PLEC: variants seen among roughly 807,000 people sequenced by gnomAD.
PLEC encodes the protein hemidesmosomal protein 1.
A neutral mutation model predicts 392.8 loss-of-function variants in PLEC; 216 were observed. The ratio of observed to expected loss-of-function variants is 0.55; its 90% CI spans 0.49 to 0.62. The LOEUF (loss-of-function observed/expected upper bound fraction) is 0.62. Among genes scored for constraint, PLEC ranks in the 20% least tolerant of loss-of-function variants. PLEC has a pLI of 0.00. For missense variants in PLEC, 6,863 were observed against 6,563.4 expected, an observed-to-expected ratio of 1.05 and a Z score of -1.58; for synonymous variants, 3,621 against 2,980.6, an observed-to-expected ratio of 1.21 and a Z score of -7.00.
In PLEC at chr8:143,923,280, T is replaced by G. The variant is rs1823570897; in HGVS notation, c.6649A>C (p.Thr2217Pro). Residue 2217 changes from threonine to proline, a missense_variant, in exon 31 of 32, where the codon ACG (threonine) becomes CCG (proline). Physicochemically the swap from Thr to Pro is conservative, Grantham distance 38. Transcript: ENST00000345136. ...EELQRLKAEA[T>P]EAARQRSQVE... is the part of the protein sequence containing the mutation. ...TGGCTGCGCTGGCGTGCGGCCTCCG[T>G]GGCCTCCGCCTTCAGCCGCTGCAGC... 2.5e-6 allele frequency: 4 copies of G among 1,607,072 alleles called. No individual in the cohort carries two copies. The South Asian group carries it at 4.4e-5, about 18-fold the overall frequency.
At chr8:143,964,348 T>G (rs1342403408) in intron 1 of PLEC, among the ~76,000 whole-genome samples, 1 of 152,098 alleles carries the variant, frequency 6.6e-6, no homozygotes, top group Non-Finnish European at 1.5e-5. Flanking sequence ...ACAAGGATCT[T>G]GAGATGAGAT....
At position 143,924,126 on chromosome 8, in the gene PLEC, C is replaced by T. The variant is rs782279963; in HGVS notation, c.5803G>A (p.Glu1935Lys). Residue 1935 changes from glutamate to lysine, a missense_variant, in exon 31 of 32, where the codon GAG becomes AAG. Coordinates refer to ENST00000345136, the MANE Select transcript of PLEC (RefSeq NM_201384.3). The stretch of plus-strand genomic sequence containing the variant: ...TCCGCCTTGCCAGCGGCCGCCTTCT[C>T]GAAGCTCGCCTTCAGCGCCAGGATC... ...EEILALKASF[E>K]KAAAGKAELE... 9 of 1,598,942 alleles carry T rather than the reference C, an allele frequency of 5.6e-6. No individual in the cohort carries two copies. Among genetic ancestry groups the T allele is most frequent in the East Asian group, 2.2e-5 (1 of 44,816 alleles).
At chr8:143,950,741 A>C in exon 1 of PLEC, 1 of 1,541,824 alleles carries the variant, frequency 6.5e-7, no homozygotes, top group South Asian at 1.2e-5. Flanking sequence ...GCGGGGGCAA[A>C]GGCAGCAGGC....
chr8:143,968,761 T>C (rs996822578), intron 1 of PLEC, among the ~76,000 whole-genome samples: 2 of 152,178 alleles, frequency 1.3e-5, no homozygotes, highest in African/African-American at 4.8e-5. Context: ...TTCAACGTCA[T>C]TAGCCATCAG....
At chr8:143,932,091 G>C (rs782631874) in intron 17 of PLEC, 39 bp downstream of exon 17, 4 of 1,572,010 alleles carry the variant, frequency 2.5e-6, no homozygotes, top group Non-Finnish European at 3.5e-6. Context: ...ACCCGGCACG[G>C]CCCCCCCCGC....
intron 5 of PLEC, among the ~76,000 whole-genome samples, chr8:143,936,437 G>A (rs1829076195): frequency 6.6e-6 from 1 of 152,228 alleles, no homozygotes; most frequent in Non-Finnish European, 1.5e-5. Context: ...CCTGGAAAAG[G>A]CTGGGGGTCG....
intron 1 of PLEC, among the ~76,000 whole-genome samples, 184 bp downstream of exon 1, chr8:143,939,166 C>G (rs977840112): frequency 6.6e-6 from 1 of 152,192 alleles, no homozygotes; most frequent in African/African-American, 2.4e-5. Context: ...CGCTCGGAGG[C>G]CCCCGTCAGC....
Position 143,924,655 on chromosome 8 carries a change from G to A in PLEC, c.5274C>T (p.Ala1758=), listed in dbSNP as rs549384721. 5 of 1,536,456 alleles carry A rather than the reference G, an allele frequency of 3.3e-6. No homozygotes were observed. In the Admixed American group the frequency reaches 5.9e-5, roughly 18 times the overall value. Residue 1758 remains alanine (A), a synonymous_variant, in exon 31 of 32, where the codon GCC becomes GCT. Transcript: ENST00000345136. ...QKRQELEAEL[A]KVRAEMEVLL... ...GCACCTCCATCTCGGCCCGCACCTT[G>A]GCCAGCTCGGCTTCCAGCTCCTGCC...
rs782360128 is a variant in PLEC at position 143,925,147 on chromosome 8, G to A, written c.4782C>T (p.Arg1594=). The change falls in exon 31 of 32, where the codon CGC becomes CGT. Residue 1594 remains arginine (R), a synonymous_variant. Transcript: ENST00000345136. ...SFAEKTAQLE[R]SLQEEHVAVA... ...CAGCCACGTGTTCCTCCTGCAGGGAGCGCTCCAGCTGTGCCGTCTTCTCGG... is the reference window on the plus strand; with the variant it reads ...CAGCCACGTGTTCCTCCTGCAGGGAACGCTCCAGCTGTGCCGTCTTCTCGG... The A allele has an allele frequency of 6.4e-7, 1 of 1,558,300 alleles. No homozygotes were observed. Among genetic ancestry groups the A allele is most frequent in the South Asian group, 1.2e-5 (1 of 85,944 alleles).
chr8:143,955,805 G>T (rs1330941007), upstream of PLEC, among the ~76,000 whole-genome samples: 3 of 151,982 alleles, frequency 2.0e-5, no homozygotes, highest in Non-Finnish European at 4.4e-5. Flanking sequence ...TCTCTGTGTT[G>T]CCCAGGCTGG....
In PLEC at chr8:143,917,664, T is replaced by C; in HGVS notation, c.12157A>G (p.Ile4053Val). ...LEAQIATGGI[I>V]DPEESHRLPV... is the part of the protein sequence containing the mutation. The stretch of plus-strand genomic sequence containing the variant: ...AGCCGGTGGCTCTCCTCAGGGTCGA[T>C]GATGCCGCCCGTGGCGATCTGGGCC... The change falls in exon 32 of 32, where the codon ATC becomes GTC. Residue 4053 changes from isoleucine to valine, a missense_variant. Transcript: ENST00000345136. 1 of 1,613,640 alleles carries C rather than the reference T, an allele frequency of 6.2e-7. No individual in the cohort carries two copies. The highest frequency in any genetic ancestry group is 8.5e-7 in the Non-Finnish European group (1 of 1,180,016).
intron 1 of PLEC, 141 bp from the exon 2 acceptor site, chr8:143,938,833 AC>A: frequency 1.3e-6 from 1 of 755,944 alleles, no homozygotes; most frequent in Non-Finnish European, 2.3e-6. Flanking sequence ...ACACACTGAG[AC>A]CCAGGCGCCC....
At position 143,932,629 on chromosome 8, in the gene PLEC, A is replaced by T. The variant is rs782818583; in HGVS notation, c.1815+6T>A. On this transcript the variant is annotated splice_donor_region_variant and intron_variant, in intron 15 of 31. Coordinates refer to ENST00000345136, the MANE Select transcript of PLEC (RefSeq NM_201384.3). ...ACCTCCCCCGGCTGGCCCTGCCCCC[A>T]CTCACCAGCAGCTTGGCGTACTGCA... 2 of 1,609,376 alleles carry T rather than the reference A, an allele frequency of 1.2e-6. No individual in the cohort carries two copies. The highest frequency in any genetic ancestry group is 1.7e-6 in the Non-Finnish European group (2 of 1,179,134).
chr8:143,943,890 T>TAGCCGCCACGCGG, upstream of PLEC: 3 of 1,610,700 alleles, frequency 1.9e-6, no homozygotes, highest in Non-Finnish European at 2.5e-6. Flanking sequence ...GAGGGCTCCA[T>TAGCCGCCACGCGG]AGCCGCCACG....
intron 1 of PLEC, chr8:143,945,320 C>T (rs374191341): frequency 1.3e-5 from 5 of 395,968 alleles, no homozygotes; most frequent in Non-Finnish European, 2.6e-5. Flanking sequence ...CTCTCCTGGG[C>T]CACGGCAGGA....
rs1821975873 is a variant in PLEC, at chr8:143,919,957, G to A, written c.9864C>T (p.Leu3288=). The A allele has an allele frequency of 5.6e-6, 9 of 1,613,424 alleles. No individual in the cohort carries two copies. Among genetic ancestry groups the A allele is most frequent in the Non-Finnish European group, 6.8e-6 (8 of 1,180,030 alleles). ...TCTCCACCTCCTCCACGATGGTAAT[G>A]AGAATCTTGATGACCTTCTCCACGG... The part of the protein sequence containing the change: ...KVTVEKVIKI[L]ITIVEEVETL... Residue 3288 remains leucine (L), a synonymous_variant, in exon 32 of 32, where the codon CTC becomes CTT. Transcript: ENST00000345136.
Position 143,923,755 on chromosome 8 carries a change from C to T in PLEC, c.6174G>A (p.Val2058=). Reference sequence around the variant, plus strand: ...GCTGTAGCTCCTGCTCCTTCTGCTGCACCGCGAAGGCGTGTGCCTTCTCTT... The same window carrying T: ...GCTGTAGCTCCTGCTCCTTCTGCTGTACCGCGAAGGCGTGTGCCTTCTCTT... ...QAEEKAHAFA[V]QQKEQELQQT... Residue 2058 remains valine, a synonymous_variant, in exon 31 of 32, where the codon GTG becomes GTA. Transcript: ENST00000345136. 1.9e-6 allele frequency: 3 copies of T among 1,554,872 alleles called. No individual in the cohort carries two copies. The highest frequency in any genetic ancestry group is 1.2e-5 in the South Asian group (1 of 86,138).
chr8:143,963,683 GTTC>G (rs1284241184), intron 1 of PLEC, among the ~76,000 whole-genome samples: 1 of 151,856 alleles, frequency 6.6e-6, no homozygotes, highest in Admixed American at 6.6e-5. Context: ...ATTAAATGTT[GTTC>G]TTGTTTTTTT....
At chr8:143,928,744 TC>T (rs1826105689) in intron 25 of PLEC, among the ~76,000 whole-genome samples, 1 of 152,174 alleles carries the variant, frequency 6.6e-6, no homozygotes, top group Non-Finnish European at 1.5e-5. Context: ...GGCCCTTAAG[TC>T]CAGGCCAGGA....
Sources: gnomAD v4.1 joint callset for allele counts (sites outside exome capture counted in the v4.1 genomes callset) on GRCh38, gnomAD v4.1.1 for gene constraint, MANE v1.5 for transcripts, NCBI Gene and HGNC (gene_info 2026-07-23, HGNC 2026-07-21) for gene names.